The following ZFR variants were observed in gnomAD, a reference collection of about 807,000 sequenced individuals.
ZFR encodes zinc finger RNA-binding protein.
ZFR carries 19 observed loss-of-function variants against 130.7 expected under a neutral mutation model. The ratio of observed to expected loss-of-function variants is 0.15; its 90% CI spans 0.10 to 0.21. The LOEUF (loss-of-function observed/expected upper bound fraction) is 0.21. Among genes scored for constraint, ZFR ranks in the 10% least tolerant of loss-of-function variants. ZFR has a pLI of 1.00. For synonymous variants in ZFR, 466 were observed against 456.9 expected, an observed-to-expected ratio of 1.02 and a Z score of -0.25; for missense variants, 872 against 1,321.5, an observed-to-expected ratio of 0.66 and a Z score of 5.27.
chr5:32,369,490 CA>C, intron 17 of ZFR, among the ~76,000 whole-genome samples: 1 of 147,338 alleles, frequency 6.8e-6, no homozygotes, highest in Non-Finnish European at 1.5e-5. Context: ...TTCTTTAAAA[CA>C]AAACAAAACA....
At chr5:32,367,747 T>TA (rs1752579282) in intron 17 of ZFR, among the ~76,000 whole-genome samples, 1 of 152,190 alleles carries the variant, frequency 6.6e-6, no homozygotes, top group African/African-American at 2.4e-5. Flanking sequence ...ATTTGCTTTT[T>TA]AAAAACACTC....
At chr5:32,427,556 T>G (rs1267744424) in intron 2 of ZFR, among the ~76,000 whole-genome samples, 1 of 152,110 alleles carries the variant, frequency 6.6e-6, no homozygotes, top group Non-Finnish European at 1.5e-5. Context: ...GTTAAGATGT[T>G]AATACTACCC....
intron 15 of ZFR, 148 bp downstream of exon 15, chr5:32,385,360 T>C: frequency 1.2e-6 from 1 of 831,610 alleles, no homozygotes; most frequent in South Asian, 2.0e-5. Context: ...GAAATTATCT[T>C]AGGCAAAACC....
intron 11 of ZFR, 93 bp downstream of exon 11, chr5:32,395,066 G>A: frequency 7.1e-7 from 1 of 1,411,796 alleles, no homozygotes; most frequent in South Asian, 1.8e-5. Context: ...AATAAATCTG[G>A]ATTGCTTTGA....
intron 5 of ZFR, among the ~76,000 whole-genome samples, chr5:32,414,045 T>C (rs1367875671): frequency 1.3e-5 from 2 of 152,152 alleles, no homozygotes; most frequent in Admixed American, 6.5e-5. Context: ...TTTCTTAATA[T>C]AGCCTCTGCA....
intron 11 of ZFR, among the ~76,000 whole-genome samples, chr5:32,394,663 C>T (rs1377466991): frequency 6.6e-6 from 1 of 152,216 alleles, no homozygotes; most frequent in East Asian, 1.9e-4. Flanking sequence ...TGTTACACAA[C>T]TCTGTCACTG....
At chr5:32,405,808 CAG>C (rs1753567688) in intron 6 of ZFR, among the ~76,000 whole-genome samples, 1 of 152,126 alleles carries the variant, frequency 6.6e-6, no homozygotes, top group Non-Finnish European at 1.5e-5. Context: ...ATACTCAAAA[CAG>C]GGGAAAAGAG....
At chr5:32,363,007 G>A (rs548136370) in intron 19 of ZFR, among the ~76,000 whole-genome samples, 1 of 152,242 alleles carries the variant, frequency 6.6e-6, no homozygotes, top group South Asian at 2.1e-4. Flanking sequence ...TAAAAACAGC[G>A]AATGCATAAG....
intron 19 of ZFR, 82 bp from the exon 20 acceptor site, chr5:32,356,021 G>T: frequency 8.9e-7 from 1 of 1,129,256 alleles, no homozygotes. Context: ...CCCTCCAAAT[G>T]CAACCTAAAA....
At chr5:32,419,196 A>G (rs926519305) in intron 3 of ZFR, among the ~76,000 whole-genome samples, 5 of 152,264 alleles carry the variant, frequency 3.3e-5, no homozygotes, top group Admixed American at 1.3e-4. Context: ...AGTTAAAACA[A>G]TAACAAACAA....
chr5:32,366,594 TATTA>T (rs1427312015), intron 17 of ZFR, among the ~76,000 whole-genome samples: 2 of 152,212 alleles, frequency 1.3e-5, no homozygotes, highest in Non-Finnish European at 2.9e-5. Flanking sequence ...AATTAAAACA[TATTA>T]ATTTTCTAAA....
Position 32,414,248 on chromosome 5 carries a change from GA to G in ZFR, c.784+720del, listed in dbSNP as rs543958692. Among the ~76,000 whole-genome samples, 743 of 152,320 alleles carry G rather than the reference GA, an allele frequency of 4.9e-3. 10 individuals carry two copies. The highest frequency in any genetic ancestry group is 0.017 in the African/African-American group (701 of 41,576). On this transcript the variant is annotated intron_variant, in intron 5 of 19. Coordinates refer to ENST00000265069, the MANE Select transcript of ZFR (RefSeq NM_016107.5). ...TTGTATCCCTAGCACCCTAGAGTAA[GA>G]GATAAGAAATCTCTGAGAAATAAAA...
At chr5:32,386,063 G>T (rs1332080241) in intron 14 of ZFR, among the ~76,000 whole-genome samples, 3 of 152,196 alleles carry the variant, frequency 2.0e-5, no homozygotes, top group African/African-American at 7.2e-5. Flanking sequence ...TCAGGGAGCA[G>T]AAAGTCTCAG....
At chr5:32,394,048 T>C (rs142884049) in intron 11 of ZFR, among the ~76,000 whole-genome samples, 3 of 152,208 alleles carry the variant, frequency 2.0e-5, no homozygotes, top group Admixed American at 6.5e-5. Flanking sequence ...AACAAAATAA[T>C]CCGAATTTAG....
intron 3 of ZFR, among the ~76,000 whole-genome samples, chr5:32,418,500 G>A (rs914596880): frequency 2.0e-5 from 3 of 152,174 alleles, no homozygotes; most frequent in African/African-American, 7.2e-5. Context: ...ATCAAGGTGA[G>A]CTGAGTGAAT....
In ZFR at chr5:32,408,383, T is replaced by C. The variant is rs541036813; in HGVS notation, c.785-1362A>G. Among the ~76,000 whole-genome samples, 4 of 152,088 alleles carry C rather than the reference T, an allele frequency of 2.6e-5. No individual in the cohort carries two copies. The South Asian group carries it at 8.3e-4, about 32-fold the overall frequency. Reference sequence around the variant, plus strand: ...GCACTGTTGGCCTCTGTTGTCCTTATTCTGCTTCATATTTTCTTAATAGAT... The same window carrying C: ...GCACTGTTGGCCTCTGTTGTCCTTACTCTGCTTCATATTTTCTTAATAGAT... On this transcript the variant is annotated intron_variant, in intron 5 of 19. Coordinates refer to ENST00000265069, the MANE Select transcript of ZFR (RefSeq NM_016107.5).
At chr5:32,425,826 T>C (rs1268960634) in intron 2 of ZFR, among the ~76,000 whole-genome samples, 1 of 152,224 alleles carries the variant, frequency 6.6e-6, no homozygotes, top group African/African-American at 2.4e-5. Context: ...GTGCCCAGCC[T>C]AATTCTAATA....
chr5:32,385,484 T>G, intron 15 of ZFR, 24 bp downstream of exon 15: 1 of 1,607,894 alleles, frequency 6.2e-7, no homozygotes. Flanking sequence ...TAATAGAAAG[T>G]AGAAAGTTTA....
rs1267000123 is a variant in ZFR, at chr5:32,417,690, C to G, written c.523G>C (p.Ala175Pro). 1.9e-6 allele frequency: 3 copies of G among 1,613,876 alleles called. No homozygotes were observed. In the South Asian group the frequency reaches 3.3e-5, roughly 18 times the overall value. The change falls in exon 4 of 20, where the codon GCC (alanine) becomes CCC (proline). Residue 175 changes from alanine (A) to proline (P), a missense_variant. Ala to Pro is a conservative substitution (Grantham distance 27). Coordinates refer to ENST00000265069, the MANE Select transcript of ZFR (RefSeq NM_016107.5). Reference protein sequence around the residue: ...TATAAAVAAAAQPQPSVAETY... With the variant: ...TATAAAVAAAPQPQPSVAETY... ...TCAGCAACAGAAGGCTGAGGTTGGG[C>G]AGCGGCAGCTACAGCAGCAGCAGTT...
Sources: gnomAD v4.1 joint callset for allele counts (sites outside exome capture counted in the v4.1 genomes callset) on GRCh38, gnomAD v4.1.1 for gene constraint, MANE v1.5 for transcripts, NCBI Gene and HGNC (gene_info 2026-07-23, HGNC 2026-07-21) for gene names.